MYO3A: variants seen among roughly 807,000 people sequenced by gnomAD.
The protein encoded by MYO3A is myosin-IIIa.
A neutral mutation model predicts 192.7 loss-of-function variants in MYO3A; 180 were observed. The observed-to-expected ratio is 0.93, with a 90% CI of 0.83 to 1.06. MYO3A has a LOEUF of 1.06. Among genes scored for constraint, MYO3A ranks in the 50% least tolerant of loss-of-function variants. MYO3A has a pLI of 0.00. For synonymous variants in MYO3A, 628 were observed against 645.3 expected (o/e 0.97, Z 0.41); for missense variants, 1,896 against 1,905.0 (o/e 1.00, Z 0.09).
chr10:26,090,027 G>A (rs1017839911), intron 15 of MYO3A, among the ~76,000 whole-genome samples: 1 of 152,210 alleles, frequency 6.6e-6, no homozygotes, highest in Non-Finnish European at 1.5e-5. Flanking sequence ...CAGTGGACAT[G>A]TGTGTCAGTG....
intron 17 of MYO3A, among the ~76,000 whole-genome samples, chr10:26,106,830 G>C (rs997870294): frequency 2.6e-5 from 4 of 152,022 alleles, no homozygotes; most frequent in Admixed American, 6.5e-5. Flanking sequence ...AAACCCAATA[G>C]AGTCCATCTT....
rs954199749 is a variant in MYO3A, at chr10:25,952,376, G to T, written c.168+98G>T. 7.4e-5 allele frequency: 93 copies of T among 1,261,510 alleles called. 1 individual carries two copies. Among genetic ancestry groups the T allele is most frequent in the Admixed American group, 3.9e-4 (16 of 41,062 alleles). The allele number at this position is 1,261,510 out of a possible 1,614,324, so 78.1% of individuals were successfully genotyped here. On this transcript the variant is annotated intron_variant, in intron 3 of 34. Transcript: ENST00000642920. ...TCTTGATTTATTCATCACAATAGCA[G>T]TCTAAAACAGGTTACAATTTGAAGA...
chr10:26,071,296 T>C (rs944598044), intron 14 of MYO3A, among the ~76,000 whole-genome samples: 1 of 152,134 alleles, frequency 6.6e-6, no homozygotes, highest in Non-Finnish European at 1.5e-5. Flanking sequence ...AAAGGTGGTC[T>C]TTTCAACAAA....
chr10:26,050,544 A>G (rs148390740), intron 10 of MYO3A, among the ~76,000 whole-genome samples: 11 of 152,316 alleles, frequency 7.2e-5, no homozygotes, highest in Admixed American at 6.5e-4. Flanking sequence ...ACTTGTGTCT[A>G]TGCTTTTACT....
At chr10:26,090,865 A>G (rs1331439282) in intron 15 of MYO3A, among the ~76,000 whole-genome samples, 1 of 152,250 alleles carries the variant, frequency 6.6e-6, no homozygotes, top group Admixed American at 6.5e-5. Context: ...GTGAGGAGCC[A>G]TGGCTGCCTT....
At chr10:26,067,744 C>T (rs1366786959) in intron 11 of MYO3A, among the ~76,000 whole-genome samples, 1 of 152,192 alleles carries the variant, frequency 6.6e-6, no homozygotes, top group Non-Finnish European at 1.5e-5. Flanking sequence ...TCCCCTCACC[C>T]TTCTTTGTTC....
At chr10:26,147,033 T>TA (rs956559168) in intron 22 of MYO3A, among the ~76,000 whole-genome samples, 40 of 152,134 alleles carry the variant, frequency 2.6e-4, no homozygotes, top group African/African-American at 9.7e-4. Context: ...ACTACTGAGA[T>TA]AAAAATCTAT....
intron 17 of MYO3A, among the ~76,000 whole-genome samples, chr10:26,097,957 G>C (rs1478828006): frequency 1.3e-5 from 2 of 152,190 alleles, no homozygotes; most frequent in Non-Finnish European, 2.9e-5. Flanking sequence ...GGGTCAAATG[G>C]TATTTCTAGT....
intron 10 of MYO3A, among the ~76,000 whole-genome samples, chr10:26,038,599 G>C (rs1564483075): frequency 1.3e-5 from 2 of 152,140 alleles, no homozygotes. Context: ...AGTTGTTTAG[G>C]TTTTTTCAAG....
chr10:25,965,959 TTC>T (rs537403170), intron 4 of MYO3A, among the ~76,000 whole-genome samples: 6,457 of 148,482 alleles, frequency 0.043, 171 homozygotes, highest in Middle Eastern at 0.067. Context: ...GTTTTTTTTT[TTC>T]TCTCTCTCTC....
At position 26,143,540 on chromosome 10, in the gene MYO3A, T is replaced by C; in HGVS notation, c.2355T>C (p.Gly785=). ...LLDMFLQKPM[G]LLSLLDEESR... Reference sequence around the variant, plus strand: ...ATATGTTTCTGCAAAAGCCAATGGGTTTACTTTCCCTACTTGATGAAGAAA... The same window carrying C: ...ATATGTTTCTGCAAAAGCCAATGGGCTTACTTTCCCTACTTGATGAAGAAA... The change falls in exon 21 of 35, where the codon GGT becomes GGC. Residue 785 remains glycine, a synonymous_variant. Coordinates refer to ENST00000642920, the MANE Select transcript of MYO3A (RefSeq NM_017433.5). The C allele has an allele frequency of 6.2e-7, 1 of 1,614,006 alleles. No individual in the cohort carries two copies. Among genetic ancestry groups the C allele is most frequent in the Non-Finnish European group, 8.5e-7 (1 of 1,179,948 alleles).
chr10:26,057,756 C>G (rs572952593), intron 10 of MYO3A, among the ~76,000 whole-genome samples: 124 of 152,258 alleles, frequency 8.1e-4, no homozygotes, highest in African/African-American at 2.8e-3. Context: ...GCCCTGGAAG[C>G]AAAAATAGCA....
At chr10:26,190,829 A>G (rs565186857) in intron 31 of MYO3A, among the ~76,000 whole-genome samples, 117 of 152,236 alleles carry the variant, frequency 7.7e-4, no homozygotes, top group Non-Finnish European at 7.4e-4. Context: ...CTTTGCACCA[A>G]CCTAATAGAA....
intron 28 of MYO3A, among the ~76,000 whole-genome samples, chr10:26,169,694 A>G (rs1799636131): frequency 6.6e-6 from 1 of 152,214 alleles, no homozygotes; most frequent in African/African-American, 2.4e-5. Context: ...CGTTCTGTCA[A>G]TCAGCAATGA....
At position 26,136,427 on chromosome 10, in the gene MYO3A, T is replaced by C. The variant is rs140746833; in HGVS notation, c.2263-7021T>C. Among the ~76,000 whole-genome samples, 701 of 152,290 alleles carry C rather than the reference T, an allele frequency of 4.6e-3. 5 individuals carry two copies. Among genetic ancestry groups the C allele is most frequent in the African/African-American group, 0.016 (665 of 41,536 alleles). On this transcript the variant is annotated intron_variant, in intron 20 of 34. Coordinates refer to ENST00000642920, the MANE Select transcript of MYO3A (RefSeq NM_017433.5). ...TAAGTTCTGTGAAAGAACTAAGTGTTCCCTGTCACTGCATATACCAGCCTT... is the reference window on the plus strand; with the variant it reads ...TAAGTTCTGTGAAAGAACTAAGTGTCCCCTGTCACTGCATATACCAGCCTT...
intron 24 of MYO3A, among the ~76,000 whole-genome samples, chr10:26,154,432 G>A (rs1370533992): frequency 2.6e-5 from 4 of 152,054 alleles, no homozygotes; most frequent in East Asian, 3.9e-4. Flanking sequence ...AGCCTGCCTC[G>A]GCCTCCCAAA....
intron 17 of MYO3A, among the ~76,000 whole-genome samples, chr10:26,103,894 T>G (rs1837627336): frequency 6.6e-6 from 1 of 152,238 alleles, no homozygotes; most frequent in Non-Finnish European, 1.5e-5. Flanking sequence ...CTAGTGAATG[T>G]GAAGTGGTAT....
intron 17 of MYO3A, among the ~76,000 whole-genome samples, chr10:26,103,517 G>C (rs914991341): frequency 6.6e-6 from 1 of 152,172 alleles, no homozygotes; most frequent in South Asian, 2.1e-4. Context: ...CTTGGAGTCA[G>C]TAGTTCATTT....
intron 7 of MYO3A, among the ~76,000 whole-genome samples, chr10:26,020,780 TTCTC>T (rs1339208472): frequency 6.6e-6 from 1 of 151,882 alleles, no homozygotes; most frequent in East Asian, 1.9e-4. Context: ...ATGCAATAAT[TTCTC>T]TATCTAATAC....
Sources: gnomAD v4.1 joint callset for allele counts (sites outside exome capture counted in the v4.1 genomes callset) on GRCh38, gnomAD v4.1.1 for gene constraint, MANE v1.5 for transcripts, NCBI Gene and HGNC (gene_info 2026-07-23, HGNC 2026-07-21) for gene names.